Variants in MOB3B observed in about 807,000 individuals in gnomAD.
MOB3B encodes MOB kinase activator 3B.
In MOB3B, 7 loss-of-function variants were observed where a neutral mutation model predicts 18.7. That is an observed-to-expected ratio of 0.37 (90% CI 0.21 to 0.70). The LOEUF (loss-of-function observed/expected upper bound fraction) is 0.70. Among genes scored for constraint, MOB3B ranks in the 30% least tolerant of loss-of-function variants. The pLI, the probability that MOB3B is intolerant of heterozygous loss-of-function variation, is 0.52. For missense variants in MOB3B, 253 were observed against 281.3 expected (o/e 0.90, Z 0.72); for synonymous variants, 111 against 99.9 (o/e 1.11, Z -0.66).
intron 1 of MOB3B, 121 bp downstream of exon 1, chr9:27,529,434 G>T (rs893644406): frequency 3.6e-6 from 2 of 555,902 alleles, no homozygotes; most frequent in Non-Finnish European, 2.3e-6. Flanking sequence ...GCCGCCTCCC[G>T]CACCTTCTTG....
rs1471147799 is a variant in MOB3B, at chr9:27,330,226, C to T, written c.*361G>A. On this transcript the variant is annotated 3_prime_UTR_variant, in exon 4 of 4. Transcript: ENST00000262244. ...ACAGATAAGTGGAAAAATACGAACA[C>T]GCATCTCAGTCTCAAAACCTGAATT... The T allele has an allele frequency of 5.3e-6, 1 of 189,608 alleles. No homozygotes were observed. The highest frequency in any genetic ancestry group is 1.1e-5 in the Non-Finnish European group (1 of 92,658). 11.7% of individuals were successfully genotyped at this position (189,608 alleles called of 1,614,324 possible). A position where few individuals can be genotyped will look rare whatever the true frequency, so the allele number is the denominator to read the frequency against.
chr9:27,420,490 ATATATTCCATCTATATATTCCATC>A (rs1335899496), intron 2 of MOB3B, among the ~76,000 whole-genome samples: 150 of 144,728 alleles, frequency 1.0e-3, no homozygotes, highest in African/African-American at 3.6e-3. Flanking sequence ...TATATTTCAT[ATATATTCCATCTATATATTCCATC>A]TATATTCCAT....
In MOB3B at chr9:27,466,816, T is replaced by C. The variant is rs545251938; in HGVS notation, c.-198-11068A>G. Among the ~76,000 whole-genome samples the C allele has an allele frequency of 1.3e-3, 191 of 152,236 alleles. 1 individual carries two copies. Among genetic ancestry groups the C allele is most frequent in the African/African-American group, 4.3e-3 (179 of 41,534 alleles). ...GCCCTTATGATTCAATTATCTCCCC[T>C]TGGGTCCGTCCTACAATATGTGGGA... On this transcript the variant is annotated intron_variant, in intron 1 of 3. Transcript: ENST00000262244.
chr9:27,510,979 T>C (rs1418295955), intron 1 of MOB3B, among the ~76,000 whole-genome samples: 1 of 152,096 alleles, frequency 6.6e-6, no homozygotes, highest in Non-Finnish European at 1.5e-5. Flanking sequence ...CCTGGGATCA[T>C]ATTTGCCAGG....
intron 1 of MOB3B, among the ~76,000 whole-genome samples, chr9:27,474,616 C>T (rs1442657505): frequency 6.6e-6 from 1 of 152,156 alleles, no homozygotes; most frequent in African/African-American, 2.4e-5. Flanking sequence ...ATAGCTACTT[C>T]CTGTTCTGGA....
intron 2 of MOB3B, among the ~76,000 whole-genome samples, chr9:27,390,104 G>A (rs1470616412): frequency 2.6e-5 from 4 of 152,072 alleles, no homozygotes; most frequent in Non-Finnish European, 5.9e-5. Context: ...TTGAGACGGA[G>A]TCTCGCTATG....
chr9:27,344,000 A>C (rs749027071), intron 3 of MOB3B, among the ~76,000 whole-genome samples: 1 of 152,226 alleles, frequency 6.6e-6, no homozygotes, highest in Non-Finnish European at 1.5e-5. Context: ...TAATGGTTGC[A>C]TGACAATGTG....
At chr9:27,461,488 A>T (rs1379627137) in intron 1 of MOB3B, among the ~76,000 whole-genome samples, 1 of 152,200 alleles carries the variant, frequency 6.6e-6, no homozygotes, top group African/African-American at 2.4e-5. Context: ...TTGTTACATT[A>T]GTTGGGAGAA....
chr9:27,374,802 G>A (rs560989394), intron 2 of MOB3B, among the ~76,000 whole-genome samples: 24 of 152,322 alleles, frequency 1.6e-4, no homozygotes, highest in Admixed American at 3.3e-4. Context: ...TTCCCACATG[G>A]CAGCAGCTCA....
At chr9:27,422,474 C>T (rs532172625) in intron 2 of MOB3B, among the ~76,000 whole-genome samples, 1 of 152,334 alleles carries the variant, frequency 6.6e-6, no homozygotes, top group South Asian at 2.1e-4. Flanking sequence ...GGTTTCTAGA[C>T]ACCCTATGGA....
At chr9:27,493,447 T>C (rs1468105290) in intron 1 of MOB3B, among the ~76,000 whole-genome samples, 1 of 152,144 alleles carries the variant, frequency 6.6e-6, no homozygotes, top group East Asian at 1.9e-4. Context: ...GAGACCATCC[T>C]GGCTAACATG....
intron 1 of MOB3B, among the ~76,000 whole-genome samples, chr9:27,491,192 C>A (rs1424069208): frequency 6.6e-6 from 1 of 152,098 alleles, no homozygotes; most frequent in Non-Finnish European, 1.5e-5. Context: ...ATATTATTTA[C>A]AACTGTTCAT....
intron 2 of MOB3B, among the ~76,000 whole-genome samples, chr9:27,388,767 C>G (rs769907405): frequency 2.6e-5 from 4 of 152,136 alleles, no homozygotes; most frequent in African/African-American, 4.8e-5. Context: ...TCAATCTCCC[C>G]CATCTCAGTA....
intron 2 of MOB3B, among the ~76,000 whole-genome samples, chr9:27,419,121 G>T (rs1017183746): frequency 6.8e-6 from 1 of 147,824 alleles, no homozygotes; most frequent in African/African-American, 2.5e-5. Flanking sequence ...ACCTCTACAA[G>T]GAAAACTACA....
intron 2 of MOB3B, among the ~76,000 whole-genome samples, chr9:27,388,098 T>C (rs1821671820): frequency 2.0e-5 from 3 of 152,168 alleles, no homozygotes; most frequent in Admixed American, 6.5e-5. Flanking sequence ...ATTATCCAGC[T>C]CAAACATCAA....
intron 3 of MOB3B, among the ~76,000 whole-genome samples, chr9:27,344,226 T>G (rs1820998730): frequency 6.6e-6 from 1 of 152,162 alleles, no homozygotes. Context: ...TTTTGAAAGA[T>G]TTGAGGCTTT....
Position 27,359,124 on chromosome 9 carries a change from A to G in MOB3B, c.531T>C (p.Gly177=). 6.2e-7 allele frequency: 1 copy of G among 1,614,122 alleles called. No individual in the cohort carries two copies. Among genetic ancestry groups the G allele is most frequent in the Non-Finnish European group, 8.5e-7 (1 of 1,180,026 alleles). ...AGCAGGTGTTGACATGGGCCTCTGC[A>G]CCCATCACAATGACCCGGTCGAAGT... ...IHHFDRVIVM[G]AEAHVNTCYK... is the part of the protein sequence containing the mutation. Residue 177 remains glycine, a synonymous_variant, in exon 3 of 4, where the codon GGT becomes GGC. Coordinates refer to ENST00000262244, the MANE Select transcript of MOB3B (RefSeq NM_024761.5).
At chr9:27,355,745 G>A (rs1315798125) in intron 3 of MOB3B, among the ~76,000 whole-genome samples, 3 of 151,590 alleles carry the variant, frequency 2.0e-5, no homozygotes, top group East Asian at 1.9e-4. Flanking sequence ...TGTATTTTTC[G>A]TAGAGACGGG....
chr9:27,370,025 G>A (rs935578119), intron 2 of MOB3B, among the ~76,000 whole-genome samples: 10 of 148,940 alleles, frequency 6.7e-5, no homozygotes, highest in Admixed American at 2.0e-4. Flanking sequence ...CCCTGGCATC[G>A]AATGCATAGC....
Sources: gnomAD v4.1 joint callset for allele counts (sites outside exome capture counted in the v4.1 genomes callset) on GRCh38, gnomAD v4.1.1 for gene constraint, MANE v1.5 for transcripts, NCBI Gene and HGNC (gene_info 2026-07-23, HGNC 2026-07-21) for gene names.